SPTSSA: variants seen among roughly 807,000 people sequenced by gnomAD.
The protein encoded by SPTSSA is serine palmitoyltransferase small subunit A.
In SPTSSA, 8 loss-of-function variants were observed where a neutral mutation model predicts 9.1. The observed-to-expected ratio is 0.88, with a 90% CI of 0.51 to 1.58. The LOEUF is 1.58. SPTSSA is among the 40% of genes most tolerant of loss of function. The pLI, the probability that SPTSSA is intolerant of heterozygous loss-of-function variation, is 0.00. For missense variants in SPTSSA, 100 were observed against 93.8 expected (o/e 1.07, Z -0.27); for synonymous variants, 42 against 37.7 (o/e 1.11, Z -0.41).
rs1883192098 is a variant in SPTSSA at position 34,433,625 on chromosome 14, A to G, written c.*1576T>C. On this transcript the variant is annotated 3_prime_UTR_variant, in exon 2 of 2. Coordinates refer to ENST00000298130, the MANE Select transcript of SPTSSA (RefSeq NM_138288.4). ...ATATATTACTTGAGACCTCTAGACT[A>G]TAAAATACTTCAAAAGTCTAGTCCT... is the stretch of plus-strand genomic sequence containing the variant. 2 of 152,178 alleles carry G rather than the reference A, an allele frequency of 1.3e-5. No individual in the cohort carries two copies. The highest frequency in any genetic ancestry group is 2.4e-5 in the African/African-American group (1 of 41,454). 9.4% of individuals were successfully genotyped at this position (152,178 alleles called of 1,614,324 possible).
At chr14:34,443,190 C>T (rs1175366061) in intron 1 of SPTSSA, among the ~76,000 whole-genome samples, 1 of 26,112 alleles carries the variant, frequency 3.8e-5, no homozygotes, top group African/African-American at 3.1e-4. Context: ...TTGAGTTTTC[C>T]TCTAGGGGGT....
At chr14:34,438,354 T>C (rs1883271282) in intron 1 of SPTSSA, among the ~76,000 whole-genome samples, 1 of 152,164 alleles carries the variant, frequency 6.6e-6, no homozygotes, top group African/African-American at 2.4e-5. Context: ...TAATCCAGTA[T>C]CAAAAATGCT....
intron 1 of SPTSSA, among the ~76,000 whole-genome samples, chr14:34,441,931 A>C (rs779906723): frequency 1.9e-4 from 29 of 151,594 alleles, no homozygotes; most frequent in Admixed American, 3.3e-4. Flanking sequence ...GCTGGAGTGC[A>C]GTGGCACAAT....
Position 34,462,103 on chromosome 14 carries a change from C to T in SPTSSA, c.105G>A (p.Thr35=). The T allele has an allele frequency of 6.6e-7, 1 of 1,508,804 alleles. No individual in the cohort carries two copies. The highest frequency in any genetic ancestry group is 8.9e-7 in the Non-Finnish European group (1 of 1,122,450). The allele number at this position is 1,508,804 out of a possible 1,614,324, so 93.5% of individuals were successfully genotyped here. A position where few individuals can be genotyped will look rare whatever the true frequency, so the allele number is the denominator to read the frequency against. Residue 35 remains threonine (T), a synonymous_variant, in exon 1 of 2, where the codon ACG becomes ACA. Transcript: ENST00000298130. ...GCGGCCGGGACAGGATACTGAACAC[C>T]GTCCGCTCCCAGGGCTCCAGCATGT... ...ALYMLEPWER[T]VFNSMLVSIV... is the part of the protein sequence containing the mutation.
At chr14:34,440,682 G>A (rs1310033345) in intron 1 of SPTSSA, among the ~76,000 whole-genome samples, 2 of 152,148 alleles carry the variant, frequency 1.3e-5, no homozygotes, top group Non-Finnish European at 2.9e-5. Flanking sequence ...GGGAGATCGA[G>A]ACCAGCCTGG....
At chr14:34,461,233 C>T (rs1400773409) in intron 1 of SPTSSA, among the ~76,000 whole-genome samples, 2 of 152,138 alleles carry the variant, frequency 1.3e-5, no homozygotes, top group Non-Finnish European at 2.9e-5. Flanking sequence ...GCAAGAATAT[C>T]ATCAAAGGAT....
rs1337705586 is a variant in SPTSSA, at chr14:34,433,441, T to C, written c.*1760A>G. ...ATTTGGGCATTAATAGAACAAATCT[T>C]ATGTTAAATCCTCGTATTATTTTTC... is the stretch of plus-strand genomic sequence containing the variant. On this transcript the variant is annotated 3_prime_UTR_variant, in exon 2 of 2. Transcript: ENST00000298130. The C allele has an allele frequency of 6.6e-6, 1 of 152,146 alleles. No homozygotes were observed. Among genetic ancestry groups the C allele is most frequent in the Non-Finnish European group, 1.5e-5 (1 of 68,036 alleles). The allele number at this position is 152,146 out of a possible 1,614,324, so 9.4% of individuals were successfully genotyped here. A position where few individuals can be genotyped will look rare whatever the true frequency, so the allele number is the denominator to read the frequency against.
At chr14:34,454,043 G>A (rs1594625143) in intron 1 of SPTSSA, among the ~76,000 whole-genome samples, 1 of 152,108 alleles carries the variant, frequency 6.6e-6, no homozygotes, top group South Asian at 2.1e-4. Flanking sequence ...AATCAGGCAT[G>A]GTGGTGTGTG....
chr14:34,441,031 T>A (rs1365852036), intron 1 of SPTSSA, among the ~76,000 whole-genome samples: 1 of 152,200 alleles, frequency 6.6e-6, no homozygotes, highest in African/African-American at 2.4e-5. Context: ...TTGAACAAGT[T>A]TTTTGCCTGG....
chr14:34,444,523 G>A (rs536305629), intron 1 of SPTSSA, among the ~76,000 whole-genome samples: 3 of 152,164 alleles, frequency 2.0e-5, no homozygotes, highest in Admixed American at 6.5e-5. Flanking sequence ...GGAGGCCGAC[G>A]TGGGTGGATC....
chr14:34,448,756 C>G (rs1177021578), intron 1 of SPTSSA, among the ~76,000 whole-genome samples: 1 of 152,194 alleles, frequency 6.6e-6, no homozygotes, highest in Non-Finnish European at 1.5e-5. Context: ...TTCAAGATGC[C>G]AAGAACCAGG....
At chr14:34,447,055 C>A (rs1883433398) in intron 1 of SPTSSA, among the ~76,000 whole-genome samples, 1 of 151,758 alleles carries the variant, frequency 6.6e-6, no homozygotes, top group South Asian at 2.1e-4. Flanking sequence ...GAAACCGCGT[C>A]TCTACTAAAA....
intron 1 of SPTSSA, among the ~76,000 whole-genome samples, chr14:34,442,955 G>GGTGTGTGTGTGT (rs958490338): frequency 1.6e-5 from 2 of 124,118 alleles, no homozygotes; most frequent in African/African-American, 6.3e-5. Flanking sequence ...TGTCTAGGGG[G>GGTGTGTGTGTGT]GTGTGTGTGT....
At chr14:34,448,955 A>G (rs1327958593) in intron 1 of SPTSSA, among the ~76,000 whole-genome samples, 1 of 148,730 alleles carries the variant, frequency 6.7e-6, no homozygotes, top group African/African-American at 2.5e-5. Flanking sequence ...AGCTGAGATC[A>G]CACGGCTGTA....
Position 34,434,483 on chromosome 14 carries a change from C to T in SPTSSA, c.*718G>A, listed in dbSNP as rs1438874152. On this transcript the variant is annotated 3_prime_UTR_variant, in exon 2 of 2. Transcript: ENST00000298130. ...ATTACATAATAATGCTACTTAACCA[C>T]CTTTTGTCTCAAGAATTATCACCAA... 1.3e-5 allele frequency: 2 copies of T among 152,588 alleles called. No homozygotes were observed. The highest frequency in any genetic ancestry group is 2.9e-5 in the Non-Finnish European group (2 of 68,016). 9.5% of individuals were successfully genotyped at this position (152,588 alleles called of 1,614,324 possible). A position where few individuals can be genotyped will look rare whatever the true frequency, so the allele number is the denominator to read the frequency against.
intron 1 of SPTSSA, among the ~76,000 whole-genome samples, chr14:34,445,135 G>A (rs1566423607): frequency 6.6e-6 from 1 of 151,940 alleles, no homozygotes; most frequent in Admixed American, 6.6e-5. Context: ...TTACACGCAA[G>A]GTGTCTAAAA....
chr14:34,459,755 G>A (rs777537523), intron 1 of SPTSSA, among the ~76,000 whole-genome samples: 2 of 151,848 alleles, frequency 1.3e-5, no homozygotes, highest in African/African-American at 2.4e-5. Flanking sequence ...CACTCCAGCC[G>A]GGCAACAAGA....
At chr14:34,452,322 T>C (rs188169697) in intron 1 of SPTSSA, among the ~76,000 whole-genome samples, 5 of 152,262 alleles carry the variant, frequency 3.3e-5, no homozygotes, top group African/African-American at 1.2e-4. Flanking sequence ...CCAGTTTTCT[T>C]ACATTGAAAC....
At chr14:34,445,159 CTTTT>C (rs911276522) in intron 1 of SPTSSA, among the ~76,000 whole-genome samples, 1 of 151,496 alleles carries the variant, frequency 6.6e-6, no homozygotes, top group East Asian at 1.9e-4. Flanking sequence ...GTAGAAAAAA[CTTTT>C]TTTTTCTTTT....
Sources: gnomAD v4.1 joint callset for allele counts (sites outside exome capture counted in the v4.1 genomes callset) on GRCh38, gnomAD v4.1.1 for gene constraint, MANE v1.5 for transcripts, NCBI Gene and HGNC (gene_info 2026-07-23, HGNC 2026-07-21) for gene names.